The following SCHIP1 variants were observed in gnomAD, a reference collection of about 807,000 sequenced individuals.
The protein encoded by SCHIP1 is schwannomin interacting protein 1.
A neutral mutation model predicts 29.7 loss-of-function variants in SCHIP1; 8 were observed. That is an observed-to-expected ratio of 0.27 (90% CI 0.16 to 0.49). SCHIP1 has a LOEUF of 0.49. Ranked by LOEUF, SCHIP1 falls within the 20% of genes least tolerant of loss-of-function variation. The pLI is 0.99. For missense variants in SCHIP1, 193 were observed against 294.6 expected, an observed-to-expected ratio of 0.66 and a Z score of 2.52; for synonymous variants, 76 against 94.9, an observed-to-expected ratio of 0.80 and a Z score of 1.16.
the SCHIP1 span, among the ~76,000 whole-genome samples, chr3:159,303,099 T>G: frequency 9.9e-5 from 15 of 152,086 alleles, no homozygotes; most frequent in South Asian, 2.1e-3. Context: ...CCCAGAAAGT[T>G]TGGTTTTAGA....
chr3:159,525,296 C>G, the SCHIP1 span, among the ~76,000 whole-genome samples: 1 of 152,148 alleles, frequency 6.6e-6, no homozygotes, highest in Non-Finnish European at 1.5e-5. Flanking sequence ...GTGAGTTGTA[C>G]AAGGACAAAG....
At chr3:159,528,780 C>T in the SCHIP1 span, among the ~76,000 whole-genome samples, 2 of 152,214 alleles carry the variant, frequency 1.3e-5, no homozygotes, top group South Asian at 4.1e-4. Flanking sequence ...ACATCTGACA[C>T]ATTTTCACAC....
the SCHIP1 span, among the ~76,000 whole-genome samples, chr3:159,804,121 T>C: frequency 9.9e-5 from 15 of 152,118 alleles, no homozygotes; most frequent in Admixed American, 1.3e-4. Context: ...GTCCCTGCAG[T>C]TGTAATAGGG....
At chr3:159,564,454 G>A in the SCHIP1 span, among the ~76,000 whole-genome samples, 1 of 151,670 alleles carries the variant, frequency 6.6e-6, no homozygotes, top group South Asian at 2.1e-4. Context: ...TCAGCTCACT[G>A]CAACCTCTGC....
At chr3:159,349,556 G>A in the SCHIP1 span, among the ~76,000 whole-genome samples, 1 of 152,134 alleles carries the variant, frequency 6.6e-6, no homozygotes, top group African/African-American at 2.4e-5. Flanking sequence ...TGCCTAACAT[G>A]GGTAAAGGTT....
the SCHIP1 span, among the ~76,000 whole-genome samples, chr3:159,663,076 T>C: frequency 6.6e-6 from 1 of 152,156 alleles, no homozygotes; most frequent in Admixed American, 6.6e-5. Flanking sequence ...TCTTGGAAGG[T>C]TGGAATAGGA....
At chr3:159,790,411 C>G in the SCHIP1 span, among the ~76,000 whole-genome samples, 1 of 152,312 alleles carries the variant, frequency 6.6e-6, no homozygotes, top group Admixed American at 6.5e-5. Flanking sequence ...CTATTTCCAG[C>G]TGGGTGCAGT....
chr3:159,819,141 C>G, the SCHIP1 span, among the ~76,000 whole-genome samples: 34 of 152,312 alleles, frequency 2.2e-4, no homozygotes, highest in East Asian at 6.4e-3. Flanking sequence ...TTCCTCACCA[C>G]GTGGCCCTCT....
At chr3:159,744,480 G>A in the SCHIP1 span, among the ~76,000 whole-genome samples, 266 of 152,298 alleles carry the variant, frequency 1.7e-3, no homozygotes, top group African/African-American at 6.2e-3. Flanking sequence ...TAGGAGTGAG[G>A]AGCACTAGAA....
At chr3:159,475,994 C>T in the SCHIP1 span, among the ~76,000 whole-genome samples, 4 of 152,128 alleles carry the variant, frequency 2.6e-5, no homozygotes, top group African/African-American at 9.7e-5. Context: ...CTGTGTAAAC[C>T]AGAAACCAGG....
the SCHIP1 span, among the ~76,000 whole-genome samples, chr3:159,279,008 G>T: frequency 3.3e-5 from 5 of 152,106 alleles, no homozygotes; most frequent in African/African-American, 1.2e-4. Context: ...GCACATGTGG[G>T]AGGTTCTAGT....
the SCHIP1 span, among the ~76,000 whole-genome samples, chr3:159,823,459 G>C: frequency 6.6e-6 from 1 of 152,112 alleles, no homozygotes; most frequent in Non-Finnish European, 1.5e-5. Flanking sequence ...TTCCTCTTCT[G>C]TAGTGTGGAG....
chr3:159,767,645 A>G, the SCHIP1 span, among the ~76,000 whole-genome samples: 1 of 152,266 alleles, frequency 6.6e-6, no homozygotes, highest in East Asian at 1.9e-4. Context: ...AAGTAAGCCT[A>G]TTCCTACTTC....
At chr3:159,396,890 C>A in the SCHIP1 span, among the ~76,000 whole-genome samples, 1 of 150,900 alleles carries the variant, frequency 6.6e-6, no homozygotes, top group Non-Finnish European at 1.5e-5. Context: ...TGGGGAAGTT[C>A]TCCTGAATAA....
the SCHIP1 span, among the ~76,000 whole-genome samples, chr3:159,529,796 A>G: frequency 3.3e-5 from 5 of 152,020 alleles, no homozygotes; most frequent in Non-Finnish European, 4.4e-5. Context: ...CCACCATTCT[A>G]TTCCCTCCTT....
At chr3:159,710,727 A>C in the SCHIP1 span, among the ~76,000 whole-genome samples, 10 of 152,240 alleles carry the variant, frequency 6.6e-5, no homozygotes, top group Non-Finnish European at 1.5e-4. Flanking sequence ...TAAAGTCTTA[A>C]ATGTAAGATC....
chr3:159,293,457 G>A, the SCHIP1 span, among the ~76,000 whole-genome samples: 3 of 152,182 alleles, frequency 2.0e-5, no homozygotes, highest in Non-Finnish European at 2.9e-5. Context: ...ATAGAGGCAC[G>A]AAGGTGGTAT....
chr3:159,736,946 G>A, the SCHIP1 span, among the ~76,000 whole-genome samples: 1 of 152,128 alleles, frequency 6.6e-6, no homozygotes, highest in African/African-American at 2.4e-5. Flanking sequence ...ATGTTAGCCA[G>A]GATGGTCTCT....
the SCHIP1 span, among the ~76,000 whole-genome samples, chr3:159,310,198 A>T: frequency 3.7e-4 from 56 of 152,246 alleles, 2 homozygotes; most frequent in Admixed American, 3.7e-3. Context: ...AATAAAATTG[A>T]TGGGAGATGA....
Sources: gnomAD v4.1 joint callset for allele counts (sites outside exome capture counted in the v4.1 genomes callset) on GRCh38, gnomAD v4.1.1 for gene constraint, MANE v1.5 for transcripts, NCBI Gene and HGNC (gene_info 2026-07-23, HGNC 2026-07-21) for gene names.